PIKFYVE: variants seen among roughly 807,000 people sequenced by gnomAD.
PIKFYVE encodes the protein phosphoinositide kinase, FYVE-type zinc finger containing.
A neutral mutation model predicts 257.9 loss-of-function variants in PIKFYVE; 122 were observed. That is an observed-to-expected ratio of 0.47 (90% CI 0.41 to 0.55). PIKFYVE has a LOEUF of 0.55. Among genes scored for constraint, PIKFYVE ranks in the 20% least tolerant of loss-of-function variants. The pLI, the probability that PIKFYVE is intolerant of heterozygous loss-of-function variation, is 0.00. For synonymous variants in PIKFYVE, 892 were observed against 868.9 expected (o/e 1.03, Z -0.47); for missense variants, 2,160 against 2,536.6 (o/e 0.85, Z 3.19).
chr2:208,331,173 G>A (rs1382534842), intron 23 of PIKFYVE, among the ~76,000 whole-genome samples: 1 of 152,150 alleles, frequency 6.6e-6, no homozygotes, highest in Non-Finnish European at 1.5e-5. Context: ...ATGAGACCAT[G>A]TTGAAATTGA....
Position 208,296,534 on chromosome 2 carries a change from A to G in PIKFYVE, c.912-2107A>G, listed in dbSNP as rs183178942. Among the ~76,000 whole-genome samples, 91 of 152,314 alleles carry G rather than the reference A, an allele frequency of 6.0e-4. 1 individual carries two copies. The East Asian group carries it at 0.013, about 22-fold the overall frequency. On this transcript the variant is annotated intron_variant, in intron 7 of 41. Coordinates refer to ENST00000264380, the MANE Select transcript of PIKFYVE (RefSeq NM_015040.4). Reference sequence around the variant, plus strand: ...GTCAAATAGTTGGATATATGAGTCCAGAATTTAGGGGAGGGCTACAGGCTA... The same window carrying G: ...GTCAAATAGTTGGATATATGAGTCCGGAATTTAGGGGAGGGCTACAGGCTA...
chr2:208,299,628 A>G (rs2125309313), intron 8 of PIKFYVE, among the ~76,000 whole-genome samples: 1 of 152,324 alleles, frequency 6.6e-6, no homozygotes, highest in Middle Eastern at 3.4e-3. Flanking sequence ...ATCAGAATTC[A>G]GTTACCTATG....
At chr2:208,298,063 G>A (rs992157805) in intron 7 of PIKFYVE, among the ~76,000 whole-genome samples, 2 of 152,010 alleles carry the variant, frequency 1.3e-5, no homozygotes, top group African/African-American at 4.8e-5. Flanking sequence ...TTGCTTATTT[G>A]GGCGTCAAAA....
At chr2:208,322,905 C>T (rs1429829185) in intron 17 of PIKFYVE, among the ~76,000 whole-genome samples, 2 of 126,772 alleles carry the variant, frequency 1.6e-5, no homozygotes. Context: ...TCCAGGTGTT[C>T]TCAATGTTGA....
intron 2 of PIKFYVE, among the ~76,000 whole-genome samples, chr2:208,272,247 T>A (rs960107936): frequency 1.7e-4 from 25 of 151,306 alleles, no homozygotes; most frequent in Middle Eastern, 3.4e-3. Context: ...AAAATAAAAA[T>A]AAAATAAAAA....
chr2:208,333,591 G>A, intron 24 of PIKFYVE, 98 bp downstream of exon 24: 1 of 1,325,598 alleles, frequency 7.5e-7, no homozygotes, highest in Non-Finnish European at 1.1e-6. Flanking sequence ...ATTAATTTGT[G>A]GGATTCCCCA....
intron 24 of PIKFYVE, 41 bp downstream of exon 24, chr2:208,333,534 A>G (rs1407691581): frequency 6.3e-7 from 1 of 1,585,994 alleles, no homozygotes; most frequent in South Asian, 1.1e-5. Context: ...CTCAGATCTC[A>G]TAATCCCTTA....
At chr2:208,346,859 G>A (rs1699278233) in intron 34 of PIKFYVE, among the ~76,000 whole-genome samples, 1 of 152,192 alleles carries the variant, frequency 6.6e-6, no homozygotes, top group Non-Finnish European at 1.5e-5. Flanking sequence ...ATGGTTAAAA[G>A]TGTTTCATTT....
intron 8 of PIKFYVE, 135 bp downstream of exon 8, chr2:208,298,914 C>T (rs1343927742): frequency 9.0e-7 from 1 of 1,111,868 alleles, no homozygotes; most frequent in African/African-American, 1.6e-5. Context: ...GTGATCTTGG[C>T]TCCCTGCAAC....
At chr2:208,270,701 G>A (rs1383406248) in intron 1 of PIKFYVE, among the ~76,000 whole-genome samples, 2 of 152,034 alleles carry the variant, frequency 1.3e-5, no homozygotes, top group African/African-American at 2.4e-5. Context: ...TCATGTCCTC[G>A]TCTTAGAAAT....
At chr2:208,278,646 A>C (rs1030248798) in intron 5 of PIKFYVE, among the ~76,000 whole-genome samples, 2 of 152,120 alleles carry the variant, frequency 1.3e-5, no homozygotes, top group African/African-American at 2.4e-5. Context: ...CTTGTAAGTG[A>C]GAGCTTGCGG....
Position 208,356,796 on chromosome 2 carries a change from C to T in PIKFYVE, c.*1491C>T, listed in dbSNP as rs1700188293. Reference sequence around the variant, plus strand: ...GTAACCCCAGAATATTTCCTCTTGACTTCTTTTTGTAACAAGGATAATTTA... The same window carrying T: ...GTAACCCCAGAATATTTCCTCTTGATTTCTTTTTGTAACAAGGATAATTTA... On this transcript the variant is annotated 3_prime_UTR_variant, in exon 42 of 42. Transcript: ENST00000264380. 6.6e-6 allele frequency: 1 copy of T among 152,626 alleles called. No homozygotes were observed. 9.5% of individuals were successfully genotyped at this position (152,626 alleles called of 1,614,324 possible). A position where few individuals can be genotyped will look rare whatever the true frequency, so the allele number is the denominator to read the frequency against.
At chr2:208,324,359 C>T (rs1384115204) in intron 18 of PIKFYVE, 77 bp downstream of exon 18, 4 of 1,469,922 alleles carry the variant, frequency 2.7e-6, no homozygotes, top group African/African-American at 1.4e-5. Context: ...GGTAGGTATA[C>T]AAGAATCTTT....
intron 7 of PIKFYVE, among the ~76,000 whole-genome samples, chr2:208,292,144 A>G (rs1448683902): frequency 2.6e-5 from 4 of 151,706 alleles, no homozygotes; most frequent in Non-Finnish European, 5.9e-5. Flanking sequence ...GTTTGATTCC[A>G]TGTTGGTTGT....
At chr2:208,267,868 T>A (rs747632518) in intron 1 of PIKFYVE, among the ~76,000 whole-genome samples, 5 of 151,212 alleles carry the variant, frequency 3.3e-5, no homozygotes, top group Non-Finnish European at 7.4e-5. Flanking sequence ...AGTCTCCGCC[T>A]CCCAGGCTCA....
rs757419502 is a variant in PIKFYVE, at chr2:208,336,169, C to A, written c.4489C>A (p.Leu1497Ile). 1 of 1,614,036 alleles carries A rather than the reference C, an allele frequency of 6.2e-7. No homozygotes were observed. Among genetic ancestry groups the A allele is most frequent in the Non-Finnish European group, 8.5e-7 (1 of 1,179,942 alleles). Residue 1497 changes from leucine (L) to isoleucine (I), a missense_variant, in exon 27 of 42, where the codon CTC becomes ATC. Physicochemically the swap from Leu to Ile is conservative, Grantham distance 5. Around this residue, in one of 12 missense-constraint regions of PIKFYVE, gnomAD observed 699 missense variants for 855.8 expected, o/e 0.82. Coordinates refer to ENST00000264380, the MANE Select transcript of PIKFYVE (RefSeq NM_015040.4). ...GTCACTCATTGCCAAGAAACAAAGT[C>A]TCTGTGAAGTGCTGCAAGCTTGGAA... is the stretch of plus-strand genomic sequence containing the variant. Reference protein sequence around the residue: ...FESLIAKKQSLCEVLQAWNNR... With the variant: ...FESLIAKKQSICEVLQAWNNR...
At position 208,271,696 on chromosome 2, in the gene PIKFYVE, G is replaced by T. The variant is rs1401567687; in HGVS notation, c.172+5G>T. 1.2e-6 allele frequency: 2 copies of T among 1,609,876 alleles called. No individual in the cohort carries two copies. Among genetic ancestry groups the T allele is most frequent in the African/African-American group, 1.3e-5 (1 of 74,808 alleles). The stretch of plus-strand genomic sequence containing the variant: ...ATCTCTTTCGTTTTAACAAAGGTAA[G>T]ACTTATTAAAGATAAGAGGTTTGAT... On this transcript the variant is annotated splice_donor_5th_base_variant and intron_variant, in intron 2 of 41. Transcript: ENST00000264380.
chr2:208,341,050 C>G (rs1027798161), intron 31 of PIKFYVE, among the ~76,000 whole-genome samples: 1 of 151,944 alleles, frequency 6.6e-6, no homozygotes, highest in South Asian at 2.1e-4. Context: ...CTCTGTCACC[C>G]AGGCTGGAAT....
In PIKFYVE at chr2:208,347,883, C is replaced by T. The variant is rs576426973; in HGVS notation, c.5234C>T (p.Ser1745Phe). Residue 1745 changes from serine to phenylalanine, a missense_variant, in exon 35 of 42, where the codon TCC (serine) becomes TTC (phenylalanine). Ser to Phe is a radical substitution (Grantham distance 155). Coordinates refer to ENST00000264380, the MANE Select transcript of PIKFYVE (RefSeq NM_015040.4). ...QPTKKASGML[S>F]FFRGTAGKSP... ...GCCAAAAAGGCTTCTGGAATGTTGT[C>T]CTTCTTCAGAGGGACAGCAGGGAAA... 1 of 1,613,542 alleles carries T rather than the reference C, an allele frequency of 6.2e-7. No homozygotes were observed. The highest frequency in any genetic ancestry group is 1.1e-5 in the South Asian group (1 of 91,052).
Sources: allele counts gnomAD v4.1 joint callset (sites outside exome capture counted in the v4.1 genomes callset), GRCh38; gene constraint gnomAD v4.1.1; regional missense constraint gnomAD v4.1.1; transcripts MANE v1.5; gene names NCBI Gene and HGNC (gene_info 2026-07-23, HGNC 2026-07-21).